Variants in FAN1 observed in about 807,000 individuals in gnomAD.
FAN1 encodes fanconi-associated nuclease 1.
Under a neutral mutation model 104.9 loss-of-function variants are expected in FAN1, and 91 were observed. The ratio of observed to expected loss-of-function variants is 0.87; its 90% CI spans 0.73 to 1.03. The LOEUF (loss-of-function observed/expected upper bound fraction) is 1.03. FAN1 is among the 50% of genes least tolerant of loss of function. FAN1 has a pLI of 0.00. For synonymous variants in FAN1, 478 were observed against 457.6 expected (o/e 1.04, Z -0.57); for missense variants, 1,263 against 1,239.9 (o/e 1.02, Z -0.28).
At chr15:30,939,299 AG>A (rs1276945477) in intron 14 of FAN1, 5 of 985,386 alleles carry the variant, frequency 5.1e-6, no homozygotes, top group Non-Finnish European at 3.6e-6. Context: ...CCAGTGCATC[AG>A]CATCTGTGCG....
At position 30,929,904 on chromosome 15, in the gene FAN1, AAATATATAAT is replaced by A. The variant is rs1442991272; in HGVS notation, c.2787+509_2787+518del. On this transcript the variant is annotated intron_variant, in intron 12 of 14. Transcript: ENST00000362065. The stretch of plus-strand genomic sequence containing the variant: ...TAATATATATCATATATAATATATA[AAATATATAAT>A]ATATATCATATATAATATATAAAAT... 2.6e-4 allele frequency among the ~76,000 whole-genome samples: 20 copies of A among 76,592 alleles called. 1 individual carries two copies. Among genetic ancestry groups the A allele is most frequent in the Middle Eastern group, 6.1e-3 (1 of 164 alleles). 50.2% of individuals were successfully genotyped at this position (76,592 alleles called of 152,430 possible). A position where few individuals can be genotyped will look rare whatever the true frequency, so the allele number is the denominator to read the frequency against.
Position 30,905,016 on chromosome 15 carries a change from A to G in FAN1, c.353A>G (p.Lys118Arg). Reference sequence around the variant, plus strand: ...ACCCCTGGCCAAAGTGATTCAGCAAAAAGGGAAGTAAAGCAGAAGATCAGT... The same window carrying G: ...ACCCCTGGCCAAAGTGATTCAGCAAGAAGGGAAGTAAAGCAGAAGATCAGT... ...NLTPGQSDSA[K>R]REVKQKISPY... is the part of the protein sequence containing the mutation. The change falls in exon 2 of 15, where the codon AAA (lysine) becomes AGA (arginine). Residue 118 changes from lysine to arginine, a missense_variant. Physicochemically the swap from Lys to Arg is conservative, Grantham distance 26. Coordinates refer to ENST00000362065, the MANE Select transcript of FAN1 (RefSeq NM_014967.5). The G allele has an allele frequency of 1.2e-6, 2 of 1,614,112 alleles. No individual in the cohort carries two copies. Among genetic ancestry groups the G allele is most frequent in the Non-Finnish European group, 1.7e-6 (2 of 1,180,034 alleles).
chr15:30,912,672 CT>C (rs1391090982), intron 4 of FAN1, among the ~76,000 whole-genome samples: 1 of 152,196 alleles, frequency 6.6e-6, no homozygotes, highest in African/African-American at 2.4e-5. Flanking sequence ...GGTGTGACAT[CT>C]TTCACTAGCC....
rs753918099 is a variant in FAN1, at chr15:30,905,916, T to C, written c.1234+19T>C. ...TTATCAGGTATCTTACGCACGTGTT[T>C]GTTTTCAAGTTTTCATTCCCCTTTT... On this transcript the variant is annotated intron_variant, in intron 2 of 14. Transcript: ENST00000362065. The C allele has an allele frequency of 1.3e-6, 2 of 1,595,698 alleles. No individual in the cohort carries two copies. Among genetic ancestry groups the C allele is most frequent in the African/African-American group, 2.7e-5 (2 of 74,636 alleles).
At chr15:30,918,337 C>G in intron 6 of FAN1, 42 bp downstream of exon 6, 4 of 1,598,676 alleles carry the variant, frequency 2.5e-6, no homozygotes, top group Non-Finnish European at 3.4e-6. Flanking sequence ...TATACATTGA[C>G]CAAGTTGTTC....
intron 14 of FAN1, chr15:30,939,942 A>G (rs753197126): frequency 1.5e-5 from 15 of 984,950 alleles, no homozygotes; most frequent in Non-Finnish European, 1.7e-5. Flanking sequence ...GATATTTTTT[A>G]AGAACTCCTG....
Position 30,942,856 on chromosome 15 carries a change from G to A in FAN1, c.*1294G>A. The A allele has an allele frequency of 6.5e-7, 1 of 1,532,318 alleles. No individual in the cohort carries two copies. The highest frequency in any genetic ancestry group is 8.8e-7 in the Non-Finnish European group (1 of 1,133,096). The allele number at this position is 1,532,318 out of a possible 1,614,324, so 94.9% of individuals were successfully genotyped here. On this transcript the variant is annotated 3_prime_UTR_variant, in exon 15 of 15. Coordinates refer to ENST00000362065, the MANE Select transcript of FAN1 (RefSeq NM_014967.5). ...GAAAAAGAGGTGTTTGGTTACGTGT[G>A]AGCCAACATCACGTTTTGTTAGCTG...
chr15:30,939,761 C>T, intron 14 of FAN1: 1 of 985,076 alleles, frequency 1.0e-6, no homozygotes, highest in Non-Finnish European at 1.2e-6. Flanking sequence ...ATTGTGATTA[C>T]ACTGTCAATG....
chr15:30,927,736 C>T, intron 10 of FAN1: 1 of 985,762 alleles, frequency 1.0e-6, no homozygotes, highest in African/African-American at 1.7e-5. Flanking sequence ...TGGCCTCCTC[C>T]TCTGTCGGGA....
chr15:30,911,227 C>T (rs577833532), intron 4 of FAN1: 13 of 992,670 alleles, frequency 1.3e-5, no homozygotes, highest in Non-Finnish European at 1.6e-5. Context: ...TAACAATTTA[C>T]CAAAAACTGT....
At chr15:30,933,771 GT>G (rs2062779566) in intron 13 of FAN1, among the ~76,000 whole-genome samples, 3 of 141,702 alleles carry the variant, frequency 2.1e-5, no homozygotes, top group African/African-American at 8.1e-5. Context: ...TTTTGTTTTT[GT>G]TTTTTGAGAC....
At chr15:30,916,421 C>G (rs2062200194) in intron 5 of FAN1, among the ~76,000 whole-genome samples, 1 of 152,188 alleles carries the variant, frequency 6.6e-6, no homozygotes, top group Non-Finnish European at 1.5e-5. Flanking sequence ...GTCATTCTTA[C>G]TGTTATACCC....
At chr15:30,910,879 T>C in intron 4 of FAN1, 64 bp downstream of exon 4, 1 of 1,535,312 alleles carries the variant, frequency 6.5e-7, no homozygotes, top group Non-Finnish European at 8.8e-7. Context: ...TAACTTACAG[T>C]AGATTGTATA....
At chr15:30,937,408 C>T in intron 14 of FAN1, 149 bp downstream of exon 14, 4 of 624,192 alleles carry the variant, frequency 6.4e-6, no homozygotes, top group African/African-American at 1.9e-5. Flanking sequence ...ACAGTGTTTG[C>T]TTGAATACAC....
intron 8 of FAN1, among the ~76,000 whole-genome samples, chr15:30,924,039 T>G (rs2140933137): frequency 6.6e-6 from 1 of 152,280 alleles, no homozygotes; most frequent in Non-Finnish European, 1.5e-5. Context: ...TCATCTACTT[T>G]TTGTGTCTGT....
At chr15:30,918,042 A>G in intron 5 of FAN1, 122 bp from the exon 6 acceptor site, 3 of 903,878 alleles carry the variant, frequency 3.3e-6, no homozygotes, top group Non-Finnish European at 5.1e-6. Flanking sequence ...ATAAAATTTA[A>G]GTGGCCCTCA....
In FAN1 at chr15:30,905,582, A is replaced by G; in HGVS notation, c.919A>G (p.Thr307Ala). The G allele has an allele frequency of 6.2e-7, 1 of 1,614,064 alleles. No individual in the cohort carries two copies. The change falls in exon 2 of 15, where the codon ACT becomes GCT. Residue 307 changes from threonine (T) to alanine (A), a missense_variant. Around this residue, in one of 2 missense-constraint regions of FAN1, gnomAD observed 682 missense variants for 571.1 expected, o/e 1.19. Coordinates refer to ENST00000362065, the MANE Select transcript of FAN1 (RefSeq NM_014967.5). ...ATGTCATTGTGAAGAAGTAAAAATG[A>G]CTGTTGCTTCAGAAGCTAAAATACA... ...EACHCEEVKM[T>A]VASEAKIQLS...
At chr15:30,929,997 T>C (rs2062662411) in intron 12 of FAN1, among the ~76,000 whole-genome samples, 1 of 134,922 alleles carries the variant, frequency 7.4e-6, no homozygotes, top group African/African-American at 2.8e-5. Flanking sequence ...AGATATCATA[T>C]ATAATATAAT....
Position 30,929,825 on chromosome 15 carries a change from C to A in FAN1, c.2787+428C>A, listed in dbSNP as rs1274180122. 9.3e-3 allele frequency among the ~76,000 whole-genome samples: 581 copies of A among 62,300 alleles called. 82 individuals are homozygous for A. Among genetic ancestry groups the A allele is most frequent in the African/African-American group, 0.022 (210 of 9,608 alleles). The allele number at this position is 62,300 out of a possible 152,430, so 40.9% of individuals were successfully genotyped here. ...ATATAAAATATATAATATATTATATCATATATAATATAATATATAAAATAT... is the reference window on the plus strand; with the variant it reads ...ATATAAAATATATAATATATTATATAATATATAATATAATATATAAAATAT... On this transcript the variant is annotated intron_variant, in intron 12 of 14. Transcript: ENST00000362065.
Sources: gnomAD v4.1 joint callset for allele counts (sites outside exome capture counted in the v4.1 genomes callset) on GRCh38, gnomAD v4.1.1 for gene constraint, gnomAD v4.1.1 regional missense constraint, MANE v1.5 for transcripts, NCBI Gene and HGNC (gene_info 2026-07-23, HGNC 2026-07-21) for gene names.